AKR7A2: variants seen among roughly 807,000 people sequenced by gnomAD.
AKR7A2 encodes the protein aldo-keto reductase family 7 member A2.
Under a neutral mutation model 37.3 loss-of-function variants are expected in AKR7A2, and 29 were observed. That is an observed-to-expected ratio of 0.78 (90% confidence interval 0.58 to 1.06). AKR7A2 has a LOEUF of 1.06. Among genes scored for constraint, AKR7A2 ranks in the 50% least tolerant of loss-of-function variants. The probability of loss-of-function intolerance (pLI) is 0.00; values close to 1 mark genes in which losing one functional copy is unlikely to be tolerated. For synonymous variants in AKR7A2, 228 were observed against 217.8 expected, an observed-to-expected ratio of 1.05 and a Z score of -0.41; for missense variants, 529 against 497.9, an observed-to-expected ratio of 1.06 and a Z score of -0.59.
In AKR7A2 at chr1:19,312,144, T is replaced by C; in HGVS notation, c.-20A>G. 8.3e-7 allele frequency: 1 copy of C among 1,211,610 alleles called. No individual in the cohort carries two copies. Among genetic ancestry groups the C allele is most frequent in the Non-Finnish European group, 1.0e-6 (1 of 969,452 alleles). 75.1% of individuals were successfully genotyped at this position (1,211,610 alleles called of 1,614,324 possible). On this transcript the variant is annotated 5_prime_UTR_variant, in exon 1 of 7. Coordinates refer to ENST00000235835, the MANE Select transcript of AKR7A2 (RefSeq NM_003689.4). The stretch of plus-strand genomic sequence containing the variant: ...CAGCATAGCAGCGGCGCCTGCGCGT[T>C]GGGAGCCGGGGGCCCCGCCCATGCC...
In AKR7A2 at chr1:19,312,063, G is replaced by A. The variant is rs148182255; in HGVS notation, c.62C>T (p.Pro21Leu). The change falls in exon 1 of 7, where the codon CCG becomes CTG. Residue 21 changes from proline to leucine, a missense_variant. Pro to Leu is a moderately conservative substitution (Grantham distance 98). Transcript: ENST00000235835. ...RAAVHCALRS[P>L]PPEARALAMS... ...GGCGAGCGCGCGGGCCTCGGGCGGCGGAGAGCGAAGCGCGCAGTGGACGGC... is the reference window on the plus strand; with the variant it reads ...GGCGAGCGCGCGGGCCTCGGGCGGCAGAGAGCGAAGCGCGCAGTGGACGGC... 6 of 1,361,430 alleles carry A rather than the reference G, an allele frequency of 4.4e-6. No individual in the cohort carries two copies. Among genetic ancestry groups the A allele is most frequent in the East Asian group, 6.2e-5 (2 of 32,286 alleles). 84.3% of individuals were successfully genotyped at this position (1,361,430 alleles called of 1,614,324 possible).
At chr1:19,310,320 C>T (rs1157886766) in intron 1 of AKR7A2, among the ~76,000 whole-genome samples, 11 of 152,164 alleles carry the variant, frequency 7.2e-5, no homozygotes, top group Admixed American at 7.2e-4. Context: ...GACTTTGGTT[C>T]AGTGAGCTCC....
intron 3 of AKR7A2, 39 bp downstream of exon 3, chr1:19,308,119 A>C (rs1350591885): frequency 6.2e-7 from 1 of 1,612,624 alleles, no homozygotes; most frequent in African/African-American, 1.3e-5. Context: ...GATTAGCAGG[A>C]GTCCTGGAGA....
intron 1 of AKR7A2, among the ~76,000 whole-genome samples, chr1:19,309,157 ATG>A (rs2093767783): frequency 1.3e-5 from 2 of 152,238 alleles, no homozygotes; most frequent in Non-Finnish European, 2.9e-5. Context: ...AAAAAACACT[ATG>A]TGAGGCTCCA....
Position 19,311,297 on chromosome 1 carries a change from C to T in AKR7A2, c.298+530G>A, listed in dbSNP as rs1384550340. 2.0e-5 allele frequency among the ~76,000 whole-genome samples: 3 copies of T among 152,350 alleles called. No individual in the cohort carries two copies. In the South Asian group the frequency reaches 6.2e-4, roughly 32 times the overall value. On this transcript the variant is annotated intron_variant, in intron 1 of 6. Transcript: ENST00000235835. ...GCCTGGCATAGAGTGGATAGAAAGT[C>T]CCTACACCCTGACCCGTCCGCACTC...
chr1:19,309,079 C>G (rs2093767575), intron 1 of AKR7A2, among the ~76,000 whole-genome samples: 2 of 152,198 alleles, frequency 1.3e-5, no homozygotes, highest in South Asian at 4.1e-4. Context: ...CTCCCAGAGT[C>G]CCAGCCAACA....
chr1:19,308,580 A>G lies in AKR7A2; in HGVS notation c.361T>C (p.Ser121Pro), dbSNP rs138468365. 1.9e-6 allele frequency: 3 copies of G among 1,614,062 alleles called. No homozygotes were observed. In the Admixed American group the frequency reaches 5.0e-5, roughly 27 times the overall value. Residue 121 changes from serine (S) to proline (P), a missense_variant, in exon 2 of 7, where the codon TCC becomes CCC. By Grantham distance (74) the Ser-to-Pro change is moderately conservative. Coordinates refer to ENST00000235835, the MANE Select transcript of AKR7A2 (RefSeq NM_003689.4). Reference protein sequence around the residue: ...GKSLKPDSVRSQLETSLKRLQ... With the variant: ...GKSLKPDSVRPQLETSLKRLQ... ...CTCTTCAATGACGTCTCCAGCTGGG[A>G]CCGGACACTGTCAGGCTTTAGTGAT... is the stretch of plus-strand genomic sequence containing the variant.
At chr1:19,310,541 T>C (rs1253608981) in intron 1 of AKR7A2, among the ~76,000 whole-genome samples, 4 of 152,012 alleles carry the variant, frequency 2.6e-5, no homozygotes, top group Non-Finnish European at 5.9e-5. Flanking sequence ...CTACTAAAAA[T>C]ACAAAAATTA....
At chr1:19,309,266 T>A (rs1230810865) in intron 1 of AKR7A2, among the ~76,000 whole-genome samples, 2 of 152,206 alleles carry the variant, frequency 1.3e-5, no homozygotes, top group Non-Finnish European at 2.9e-5. Context: ...CAAAAGTTCT[T>A]AAATACCATC....
intron 1 of AKR7A2, 107 bp downstream of exon 1, chr1:19,311,720 A>T: frequency 7.0e-7 from 1 of 1,427,278 alleles, no homozygotes; most frequent in Non-Finnish European, 9.6e-7. Flanking sequence ...GGAGCGAGGG[A>T]CGAATCCGTC....
In AKR7A2 at chr1:19,312,034, A is replaced by T. The variant is rs2093777934; in HGVS notation, c.91T>A (p.Ser31Thr). 7.1e-7 allele frequency: 1 copy of T among 1,408,808 alleles called. No individual in the cohort carries two copies. The highest frequency in any genetic ancestry group is 9.2e-7 in the Non-Finnish European group (1 of 1,088,712). The allele number at this position is 1,408,808 out of a possible 1,614,324, so 87.3% of individuals were successfully genotyped here. ...PPPEARALAM[S>T]RPPPPRVASV... is the part of the protein sequence containing the mutation. The stretch of plus-strand genomic sequence containing the variant: ...GCGACCCGCGGTGGCGGTGGCCGGG[A>T]CATGGCGAGCGCGCGGGCCTCGGGC... Residue 31 changes from serine (S) to threonine (T), a missense_variant, in exon 1 of 7, where the codon TCC becomes ACC. Ser to Thr is a moderately conservative substitution (Grantham distance 58, BLOSUM62 1). Transcript: ENST00000235835.
At chr1:19,311,125 T>C (rs2093773714) in intron 1 of AKR7A2, among the ~76,000 whole-genome samples, 1 of 152,234 alleles carries the variant, frequency 6.6e-6, no homozygotes, top group Admixed American at 6.5e-5. Context: ...TGCTGAGCCT[T>C]CCCTAGTGCC....
Position 19,307,487 on chromosome 1 carries a change from A to C in AKR7A2, c.592-77T>G, listed in dbSNP as rs192483544. 3.2e-4 allele frequency: 464 copies of C among 1,464,450 alleles called. 5 individuals carry two copies. In the Middle Eastern group the frequency reaches 5.4e-3, roughly 17 times the overall value. 90.7% of individuals were successfully genotyped at this position (1,464,450 alleles called of 1,614,324 possible). A position where few individuals can be genotyped will look rare whatever the true frequency, so the allele number is the denominator to read the frequency against. ...TGTTGCCTTCCACTTTCAAACCTCTAAAGCAACACCGGCCCAGGACTTCAG... is the reference window on the plus strand; with the variant it reads ...TGTTGCCTTCCACTTTCAAACCTCTCAAGCAACACCGGCCCAGGACTTCAG... On this transcript the variant is annotated intron_variant, in intron 3 of 6. Coordinates refer to ENST00000235835, the MANE Select transcript of AKR7A2 (RefSeq NM_003689.4).
upstream of AKR7A2, chr1:19,312,145 G>A (rs1275937760): frequency 4.0e-5 from 51 of 1,259,400 alleles, no homozygotes; most frequent in Non-Finnish European, 5.0e-5. Context: ...CCTGCGCGTT[G>A]GGAGCCGGGG....
downstream of AKR7A2, chr1:19,303,963 A>G (rs1569682825): frequency 1.8e-6 from 1 of 544,584 alleles, no homozygotes; most frequent in East Asian, 3.5e-5. Flanking sequence ...AGAGAAAGCA[A>G]GTTTTTGGGG....
intron 3 of AKR7A2, chr1:19,307,731 A>T (rs928050390): frequency 2.8e-5 from 14 of 508,302 alleles, no homozygotes; most frequent in South Asian, 2.1e-4. Flanking sequence ...GTTAATTACA[A>T]TAAAGTTAGG....
chr1:19,306,145 A>C lies in AKR7A2; in HGVS notation c.791T>G (p.Phe264Cys). 6.2e-7 allele frequency: 1 copy of C among 1,614,184 alleles called. No homozygotes were observed. Among genetic ancestry groups the C allele is most frequent in the South Asian group, 1.1e-5 (1 of 91,086 alleles). Residue 264 changes from phenylalanine to cysteine, a missense_variant and splice_region_variant, in exon 6 of 7, where the codon TTC (phenylalanine) becomes TGC (cysteine). Coordinates refer to ENST00000235835, the MANE Select transcript of AKR7A2 (RefSeq NM_003689.4). ...GGCCTCGAAGTGGTGCTCCTTCCAG[A>C]AGCTGTGCAGAGGGGATGTTAGCAC... is the stretch of plus-strand genomic sequence containing the variant. ...NSWAETYRNR[F>C]WKEHHFEAIA...
At chr1:19,305,197 T>C (rs573791932) in intron 6 of AKR7A2, 3 of 153,720 alleles carry the variant, frequency 2.0e-5, no homozygotes, top group African/African-American at 7.2e-5. Flanking sequence ...TTCAATCTTT[T>C]TCTCTGTTTT....
At chr1:19,308,329 G>A (rs1331537665) in intron 2 of AKR7A2, 67 bp from the exon 3 acceptor site, 2 of 1,608,042 alleles carry the variant, frequency 1.2e-6, no homozygotes, top group African/African-American at 2.7e-5. Flanking sequence ...CCAGGGTGGG[G>A]CCCCAGGGAA....
Sources: allele counts gnomAD v4.1 joint callset (sites outside exome capture counted in the v4.1 genomes callset), GRCh38; gene constraint gnomAD v4.1.1; transcripts MANE v1.5; gene names NCBI Gene and HGNC (gene_info 2026-07-23, HGNC 2026-07-21).